The following SBF1 variants were observed in gnomAD, a reference collection of about 807,000 sequenced individuals.
SBF1 encodes the protein SET binding factor 1.
A neutral mutation model predicts 215.8 loss-of-function variants in SBF1; 65 were observed. That is an observed-to-expected ratio of 0.30 (90% confidence interval 0.25 to 0.37). SBF1 has a LOEUF of 0.37. Among genes scored for constraint, SBF1 ranks in the 10% least tolerant of loss-of-function variants. SBF1 has a pLI of 1.00. For missense variants in SBF1, 2,634 were observed against 2,667.8 expected, an observed-to-expected ratio of 0.99 and a Z score of 0.28; for synonymous variants, 1,410 against 1,122.8, an observed-to-expected ratio of 1.26 and a Z score of -5.11.
In SBF1 at chr22:50,464,621, C is replaced by T. The variant is rs531050311; in HGVS notation, c.1549G>A (p.Val517Met). Residue 517 changes from valine to methionine, a missense_variant, in exon 14 of 41, where the codon GTG (valine) becomes ATG (methionine). Physicochemically the swap from Val to Met is conservative, Grantham distance 21 (BLOSUM62 1). Transcript: ENST00000380817. Reference protein sequence around the residue: ...RLDEGTVQWIVDQAAAKMQGA... With the variant: ...RLDEGTVQWIMDQAAAKMQGA... ...TGCATCTTGGCTGCAGCCTGGTCCA[C>T]GATCCACTGCACGGTGCCCTCATCC... 17 of 1,610,968 alleles carry T rather than the reference C, an allele frequency of 1.1e-5. No individual in the cohort carries two copies. The highest frequency in any genetic ancestry group is 1.4e-5 in the Non-Finnish European group (16 of 1,179,848).
chr22:50,459,809 C>T lies in SBF1; in HGVS notation c.3491+143G>A, dbSNP rs563083292. ...GCCACGGGGCCCCCCAGCCACCCCCCAGCCCTGTGGCCCGTCCCTCTGCCC... is the reference window on the plus strand; with the variant it reads ...GCCACGGGGCCCCCCAGCCACCCCCTAGCCCTGTGGCCCGTCCCTCTGCCC... On this transcript the variant is annotated intron_variant, in intron 26 of 40. Transcript: ENST00000380817. 3.9e-5 allele frequency: 52 copies of T among 1,328,918 alleles called. 1 individual carries two copies. The Middle Eastern group carries it at 8.1e-4, about 21-fold the overall frequency. The allele number at this position is 1,328,918 out of a possible 1,614,324, so 82.3% of individuals were successfully genotyped here.
intron 28 of SBF1, 167 bp from the exon 29 acceptor site, chr22:50,457,278 G>A: frequency 2.0e-6 from 1 of 510,148 alleles, no homozygotes; most frequent in Non-Finnish European, 3.3e-6. Context: ...AGCCATCCTG[G>A]TGTGGGCCTC....
chr22:50,469,923 G>A (rs995339745), intron 1 of SBF1, among the ~76,000 whole-genome samples: 1 of 152,204 alleles, frequency 6.6e-6, no homozygotes, highest in African/African-American at 2.4e-5. Context: ...TGGGCAGGCT[G>A]CTGCTAAGTG....
At chr22:50,448,006 CCA>C (rs932553148) in intron 38 of SBF1, among the ~76,000 whole-genome samples, 39 of 152,340 alleles carry the variant, frequency 2.6e-4, no homozygotes, top group African/African-American at 9.1e-4. Context: ...CTGCCAGACT[CCA>C]GACTCACGGG....
Position 50,466,017 on chromosome 22 carries a change from G to A in SBF1, c.955C>T (p.His319Tyr). 8.7e-6 allele frequency: 14 copies of A among 1,613,956 alleles called. No homozygotes were observed. Among genetic ancestry groups the A allele is most frequent in the Non-Finnish European group, 1.2e-5 (14 of 1,180,036 alleles). The stretch of plus-strand genomic sequence containing the variant: ...AGTGGCTCTGGCAAGGGTGGAATGT[G>A]CACACACTCAGGAATGGTGACCGTC... ...GGTVTIPECVHIPPLPEPLQS... is the reference protein window; with the variant it reads ...GGTVTIPECVYIPPLPEPLQS... Residue 319 changes from histidine (H) to tyrosine (Y), a missense_variant, in exon 9 of 41, where the codon CAC (histidine) becomes TAC (tyrosine). Coordinates refer to ENST00000380817, the MANE Select transcript of SBF1 (RefSeq NM_002972.4).
At chr22:50,449,517 A>G (rs1165396043) in intron 36 of SBF1, among the ~76,000 whole-genome samples, 1 of 151,862 alleles carries the variant, frequency 6.6e-6, no homozygotes, top group Non-Finnish European at 1.5e-5. Flanking sequence ...CAGGAAGCTG[A>G]GGCAGGAGAA....
chr22:50,461,878 A>T lies in SBF1; in HGVS notation c.2570-9T>A. ...GTGCATCTGGACAATGTCTGGGGGA[A>T]GACAGTTCTCACACTTTGTGCCCAG... On this transcript the variant is annotated splice_polypyrimidine_tract_variant and intron_variant, in intron 20 of 40. Transcript: ENST00000380817. The T allele has an allele frequency of 6.2e-7, 1 of 1,614,058 alleles. No homozygotes were observed. The highest frequency in any genetic ancestry group is 8.5e-7 in the Non-Finnish European group (1 of 1,180,016).
Position 50,463,557 on chromosome 22 carries a change from G to A in SBF1, c.1750-125C>T, listed in dbSNP as rs1045814371. On this transcript the variant is annotated intron_variant, in intron 15 of 40. Coordinates refer to ENST00000380817, the MANE Select transcript of SBF1 (RefSeq NM_002972.4). ...TTCAGGTGGGGTGTGCCAGACTCTG[G>A]GGCTTTGCCGACCAATAAAGACTAA... 4 of 1,078,174 alleles carry A rather than the reference G, an allele frequency of 3.7e-6. No homozygotes were observed. In the African/African-American group the frequency reaches 4.8e-5, roughly 13 times the overall value. 66.8% of individuals were successfully genotyped at this position (1,078,174 alleles called of 1,614,324 possible).
intron 28 of SBF1, among the ~76,000 whole-genome samples, chr22:50,457,747 G>C (rs1322157798): frequency 6.6e-6 from 1 of 152,220 alleles, no homozygotes; most frequent in Non-Finnish European, 1.5e-5. Flanking sequence ...CAAAGGGCTG[G>C]GAGATGCCTG....
At chr22:50,472,276 G>A (rs2068023477) in intron 1 of SBF1, among the ~76,000 whole-genome samples, 1 of 152,184 alleles carries the variant, frequency 6.6e-6, no homozygotes, top group Admixed American at 6.5e-5. Flanking sequence ...TAGCAACTGG[G>A]ATGCTGCCTC....
rs552312817 is a variant in SBF1, at chr22:50,458,254, G to A, written c.3826+1001C>T. On this transcript the variant is annotated intron_variant, in intron 28 of 40. Coordinates refer to ENST00000380817, the MANE Select transcript of SBF1 (RefSeq NM_002972.4). ...TGGGAGGTGGAGCTTGCAGTGAGCC[G>A]AGATCGCACCACCGCACTCCAGCGT... Among the ~76,000 whole-genome samples the A allele has an allele frequency of 1.1e-4, 16 of 146,622 alleles. No homozygotes were observed. The South Asian group carries it at 1.3e-3, about 12-fold the overall frequency.
chr22:50,462,751 C>A, intron 17 of SBF1, 34 bp from the exon 18 acceptor site: 3 of 1,609,330 alleles, frequency 1.9e-6, no homozygotes, highest in Non-Finnish European at 2.5e-6. Context: ...CAGCTGGATG[C>A]AGCCAGGAAG....
At chr22:50,454,378 G>T in intron 36 of SBF1, 134 bp downstream of exon 36, 1 of 769,868 alleles carries the variant, frequency 1.3e-6, no homozygotes, top group Non-Finnish European at 2.1e-6. Context: ...GTGGGGAGAC[G>T]GCAGGGCCAC....
chr22:50,457,346 G>A (rs2067296106), intron 28 of SBF1: 1 of 430,468 alleles, frequency 2.3e-6, no homozygotes, highest in Admixed American at 4.4e-5. Flanking sequence ...GCTATGCGGT[G>A]GGGATCCCGG....
intron 36 of SBF1, among the ~76,000 whole-genome samples, chr22:50,450,797 A>G (rs2067014900): frequency 6.6e-6 from 1 of 152,104 alleles, no homozygotes; most frequent in Non-Finnish European, 1.5e-5. Flanking sequence ...ATAAAACCCA[A>G]GACTCTAAGC....
chr22:50,459,415 G>C, intron 27 of SBF1, 23 bp from the exon 28 acceptor site: 1 of 1,611,892 alleles, frequency 6.2e-7, no homozygotes, highest in Non-Finnish European at 8.5e-7. Flanking sequence ...ACGGAGCTGA[G>C]GGAGGGGAGG....
At chr22:50,456,791 G>T in intron 29 of SBF1, 118 bp from the exon 30 acceptor site, 6 of 919,784 alleles carry the variant, frequency 6.5e-6, no homozygotes, top group Non-Finnish European at 9.6e-6. Flanking sequence ...TGGTTGGCAG[G>T]ACCCCAGCAG....
At chr22:50,468,167 G>T (rs2067855638) in intron 2 of SBF1, among the ~76,000 whole-genome samples, 1 of 152,176 alleles carries the variant, frequency 6.6e-6, no homozygotes, top group Non-Finnish European at 1.5e-5. Flanking sequence ...CCACCATCAT[G>T]AGTGAGTGAC....
rs2066783695 is a variant in SBF1, at chr22:50,445,710, C to T, written c.*1432G>A. On this transcript the variant is annotated 3_prime_UTR_variant, in exon 41 of 41. Coordinates refer to ENST00000380817, the MANE Select transcript of SBF1 (RefSeq NM_002972.4). The stretch of plus-strand genomic sequence containing the variant: ...CTGGTTTCAGTGGCTCAAGTGAGCC[C>T]ACCCTCACATCTCGCCCAGGTGTCC... 6.6e-6 allele frequency: 1 copy of T among 152,274 alleles called. No individual in the cohort carries two copies. The highest frequency in any genetic ancestry group is 1.5e-5 in the Non-Finnish European group (1 of 68,094). 9.4% of individuals were successfully genotyped at this position (152,274 alleles called of 1,614,324 possible). A position where few individuals can be genotyped will look rare whatever the true frequency, so the allele number is the denominator to read the frequency against.
Sources: gnomAD v4.1 joint callset for allele counts (sites outside exome capture counted in the v4.1 genomes callset) on GRCh38, gnomAD v4.1.1 for gene constraint, MANE v1.5 for transcripts, NCBI Gene and HGNC (gene_info 2026-07-23, HGNC 2026-07-21) for gene names.